Variants in TOM1L2 observed in about 807,000 individuals in gnomAD.
TOM1L2 encodes target of myb1 like 2 membrane trafficking protein.
Under a neutral mutation model 67.9 loss-of-function variants are expected in TOM1L2, and 31 were observed. The ratio of observed to expected loss-of-function variants is 0.46; its 90% confidence interval spans 0.34 to 0.62. The LOEUF (loss-of-function observed/expected upper bound fraction) is 0.62. Ranked by LOEUF, TOM1L2 falls within the 20% of genes least tolerant of loss-of-function variation. The pLI, the probability that TOM1L2 is intolerant of heterozygous loss-of-function variation, is 0.01. For missense variants in TOM1L2, 606 were observed against 663.5 expected (o/e 0.91, Z 0.95); for synonymous variants, 256 against 254.0 (o/e 1.01, Z -0.07).
At position 17,956,061 on chromosome 17, in the gene TOM1L2, GCAA is replaced by G. The variant is rs199826035; in HGVS notation, c.52+16198_52+16200del. Among the ~76,000 whole-genome samples the G allele has an allele frequency of 8.3e-3, 1,257 of 152,338 alleles. 20 individuals are homozygous for G. Among genetic ancestry groups the G allele is most frequent in the African/African-American group, 0.029 (1,212 of 41,560 alleles). The stretch of plus-strand genomic sequence containing the variant: ...AAGCAGTGGACTCATGGAGTAAGCA[GCAA>G]CATTTGTTTCAAAGAGCAAAAGAAC... On this transcript the variant is annotated intron_variant, in intron 1 of 14. Transcript: ENST00000379504.
chr17:17,882,897 T>C (rs1283009463), intron 5 of TOM1L2, 34 bp from the exon 6 acceptor site: 1 of 1,610,918 alleles, frequency 6.2e-7, no homozygotes, highest in Admixed American at 1.7e-5. Flanking sequence ...TCTGTTTACC[T>C]GGGCTGCCTG....
chr17:17,905,363 A>AT (rs2039045505), intron 2 of TOM1L2, among the ~76,000 whole-genome samples: 1 of 152,208 alleles, frequency 6.6e-6, no homozygotes, highest in African/African-American at 2.4e-5. Flanking sequence ...AGGAAACAGC[A>AT]GCTCCATCCC....
intron 12 of TOM1L2, among the ~76,000 whole-genome samples, chr17:17,853,269 T>C (rs553577557): frequency 6.6e-6 from 1 of 152,362 alleles, no homozygotes; most frequent in East Asian, 1.9e-4. Context: ...GGTTAGAGTG[T>C]GCACCAGCCC....
chr17:17,883,710 G>A (rs1257098257), intron 5 of TOM1L2, among the ~76,000 whole-genome samples: 1 of 151,998 alleles, frequency 6.6e-6, no homozygotes, highest in Non-Finnish European at 1.5e-5. Flanking sequence ...CTCCAGCCTG[G>A]GCGACACAGC....
In TOM1L2 at chr17:17,900,551, A is replaced by G. The variant is rs1002442680; in HGVS notation, c.138-1877T>C. Among the ~76,000 whole-genome samples the G allele has an allele frequency of 2.0e-5, 3 of 151,822 alleles. No homozygotes were observed. The East Asian group carries it at 5.8e-4, about 29-fold the overall frequency. ...AAAAAAAAAAAAAAGAGAGAAAGAAAGAAAAAAAGTTTAAGGAGCAAGGCT... is the reference window on the plus strand; with the variant it reads ...AAAAAAAAAAAAAAGAGAGAAAGAAGGAAAAAAAGTTTAAGGAGCAAGGCT... On this transcript the variant is annotated intron_variant, in intron 2 of 14. Coordinates refer to ENST00000379504, the MANE Select transcript of TOM1L2 (RefSeq NM_001082968.2).
intron 1 of TOM1L2, among the ~76,000 whole-genome samples, chr17:17,970,760 T>C (rs1390991277): frequency 6.6e-6 from 1 of 151,480 alleles, no homozygotes. Flanking sequence ...TAGGCTCCAC[T>C]AAAGGCTGGA....
intron 12 of TOM1L2, among the ~76,000 whole-genome samples, chr17:17,861,004 C>G (rs2036528496): frequency 6.6e-6 from 1 of 152,202 alleles, no homozygotes. Context: ...AAATGGCCAT[C>G]AGAGATGTGG....
intron 1 of TOM1L2, among the ~76,000 whole-genome samples, chr17:17,912,282 G>A (rs1457096259): frequency 2.3e-3 from 327 of 144,932 alleles, no homozygotes; most frequent in African/African-American, 7.6e-3. Flanking sequence ...CCGGGCGGGG[G>A]GCTGACCCCC....
chr17:17,914,576 TCTC>T (rs1568261824), intron 1 of TOM1L2, among the ~76,000 whole-genome samples: 1 of 152,138 alleles, frequency 6.6e-6, no homozygotes, highest in East Asian at 1.9e-4. Context: ...CATCCCTTCC[TCTC>T]CTCCTCCACT....
chr17:17,855,924 A>G (rs1244305460), intron 12 of TOM1L2, among the ~76,000 whole-genome samples: 7 of 151,942 alleles, frequency 4.6e-5, no homozygotes, highest in Non-Finnish European at 8.8e-5. Flanking sequence ...TTTCTACACT[A>G]TGGGAAATAA....
intron 8 of TOM1L2, among the ~76,000 whole-genome samples, chr17:17,868,226 G>A (rs113184106): frequency 1.3e-5 from 2 of 152,328 alleles, no homozygotes; most frequent in Non-Finnish European, 2.9e-5. Flanking sequence ...GCACTGGGGG[G>A]TCCTGGGGAT....
chr17:17,900,280 G>A (rs1230297404), intron 2 of TOM1L2, among the ~76,000 whole-genome samples: 3 of 151,606 alleles, frequency 2.0e-5, no homozygotes, highest in Non-Finnish European at 4.4e-5. Flanking sequence ...AGGACTTTGG[G>A]AGGCCGAGAT....
intron 2 of TOM1L2, among the ~76,000 whole-genome samples, chr17:17,906,658 C>G (rs1358367375): frequency 6.6e-6 from 1 of 152,142 alleles, no homozygotes; most frequent in Non-Finnish European, 1.5e-5. Flanking sequence ...GGTAGTCATT[C>G]GAGAAATATT....
At chr17:17,912,604 C>T (rs1316150689) in intron 1 of TOM1L2, among the ~76,000 whole-genome samples, 5 of 151,148 alleles carry the variant, frequency 3.3e-5, no homozygotes, top group African/African-American at 4.9e-5. Flanking sequence ...CGGGCAGAGA[C>T]GCTCTTCACT....
intron 10 of TOM1L2, among the ~76,000 whole-genome samples, chr17:17,865,276 A>T (rs532364970): frequency 6.6e-6 from 1 of 152,348 alleles, no homozygotes; most frequent in East Asian, 1.9e-4. Flanking sequence ...TTGACAATCA[A>T]TCAATCACAG....
chr17:17,972,291 G>A lies in TOM1L2; in HGVS notation c.23C>T (p.Pro8Leu), dbSNP rs994462976. Residue 8 changes from proline to leucine, a missense_variant, in exon 1 of 15, where the codon CCG becomes CTG. By Grantham distance (98) the Pro-to-Leu change is moderately conservative. Coordinates refer to ENST00000379504, the MANE Select transcript of TOM1L2 (RefSeq NM_001082968.2). Reference sequence around the variant, plus strand: ...GCACTGCCCCACTGGTGTGCTGAACGGGTTCCCCAGGAGGAACTCCATCTT... The same window carrying A: ...GCACTGCCCCACTGGTGTGCTGAACAGGTTCCCCAGGAGGAACTCCATCTT... MEFLLGN[P>L]FSTPVGQCLE... 1.9e-6 allele frequency: 3 copies of A among 1,551,926 alleles called. No individual in the cohort carries two copies. Among genetic ancestry groups the A allele is most frequent in the Admixed American group, 1.9e-5 (1 of 51,326 alleles).
intron 1 of TOM1L2, among the ~76,000 whole-genome samples, chr17:17,928,573 C>T (rs1357454615): frequency 6.6e-6 from 1 of 152,206 alleles, no homozygotes; most frequent in Non-Finnish European, 1.5e-5. Context: ...GGGCCCCAGA[C>T]GGCCCCCGCG....
chr17:17,860,854 C>A (rs982139556), intron 12 of TOM1L2, among the ~76,000 whole-genome samples: 3 of 152,190 alleles, frequency 2.0e-5, no homozygotes, highest in Non-Finnish European at 4.4e-5. Context: ...CATACCATTC[C>A]CTCCACTTCA....
intron 10 of TOM1L2, among the ~76,000 whole-genome samples, chr17:17,864,698 G>T (rs1389072338): frequency 1.3e-5 from 2 of 152,088 alleles, no homozygotes; most frequent in Non-Finnish European, 2.9e-5. Flanking sequence ...TTTTAGTAGA[G>T]ATGGGGTTTT....
Sources: gnomAD v4.1 joint callset for allele counts (sites outside exome capture counted in the v4.1 genomes callset) on GRCh38, gnomAD v4.1.1 for gene constraint, MANE v1.5 for transcripts, NCBI Gene and HGNC (gene_info 2026-07-23, HGNC 2026-07-21) for gene names.